Variants in STIM2 observed in about 807,000 individuals in gnomAD.
STIM2 encodes the protein stromal interaction molecule 2.
Under a neutral mutation model 85.8 loss-of-function variants are expected in STIM2, and 31 were observed. That is an observed-to-expected ratio of 0.36 (90% confidence interval 0.27 to 0.49). STIM2 has a LOEUF of 0.49. STIM2 is among the 20% of genes least tolerant of loss of function. The pLI is 0.98. For missense variants in STIM2, 841 were observed against 927.6 expected, an observed-to-expected ratio of 0.91 and a Z score of 1.21; for synonymous variants, 356 against 331.1, an observed-to-expected ratio of 1.08 and a Z score of -0.82.
At chr4:26,902,781 C>G (rs1723971441) in intron 1 of STIM2, among the ~76,000 whole-genome samples, 1 of 152,152 alleles carries the variant, frequency 6.6e-6, no homozygotes, top group Non-Finnish European at 1.5e-5. Flanking sequence ...TCCTCATGTC[C>G]TGAGCCGGAG....
chr4:26,884,594 G>A lies in STIM2; in HGVS notation c.151+23225G>A, dbSNP rs189076153. ...AACAGGAAATTGTGTCGTTGTATAG[G>A]CAGGGTAATGTACAAGCTATTTTAA... On this transcript the variant is annotated intron_variant, in intron 1 of 11. Transcript: ENST00000467087. Among the ~76,000 whole-genome samples the A allele has an allele frequency of 3.8e-3, 577 of 152,320 alleles. 3 individuals are homozygous for A. The highest frequency in any genetic ancestry group is 0.013 in the African/African-American group (560 of 41,560).
chr4:27,013,419 G>C (rs1240207809), intron 10 of STIM2, among the ~76,000 whole-genome samples: 1 of 151,890 alleles, frequency 6.6e-6, no homozygotes, highest in Non-Finnish European at 1.5e-5. Flanking sequence ...TAGAGTTTGG[G>C]ACTATCCATG....
At chr4:26,998,835 C>T (rs1387508491) in intron 4 of STIM2, among the ~76,000 whole-genome samples, 1 of 151,616 alleles carries the variant, frequency 6.6e-6, no homozygotes. Flanking sequence ...TTGCTTGAAC[C>T]CGGGAGGCGG....
chr4:26,915,337 C>T (rs1157941966), intron 1 of STIM2, among the ~76,000 whole-genome samples: 2 of 152,136 alleles, frequency 1.3e-5, no homozygotes, highest in Admixed American at 6.5e-5. Context: ...CAAGGTCAAG[C>T]GATTCTCCTG....
intron 1 of STIM2, among the ~76,000 whole-genome samples, chr4:26,887,712 C>T (rs962558396): frequency 6.6e-6 from 1 of 152,020 alleles, no homozygotes; most frequent in South Asian, 2.1e-4. Flanking sequence ...TTCATTATTA[C>T]AAATTAATAA....
chr4:26,879,831 C>T (rs1175697268), intron 1 of STIM2, among the ~76,000 whole-genome samples: 2 of 152,134 alleles, frequency 1.3e-5, no homozygotes, highest in Non-Finnish European at 2.9e-5. Flanking sequence ...GGGCCCTCAT[C>T]GCCCACATTC....
intron 2 of STIM2, among the ~76,000 whole-genome samples, chr4:26,945,976 A>G (rs1029832946): frequency 4.6e-5 from 7 of 152,208 alleles, no homozygotes; most frequent in African/African-American, 1.7e-4. Flanking sequence ...TCTTATATGT[A>G]AAATTGTTGC....
At chr4:26,881,201 C>G (rs1171575029) in intron 1 of STIM2, among the ~76,000 whole-genome samples, 1 of 152,062 alleles carries the variant, frequency 6.6e-6, no homozygotes, top group African/African-American at 2.4e-5. Context: ...CGCGGTAGCT[C>G]ATGCTGGTAA....
intron 11 of STIM2, chr4:27,019,530 T>C (rs1728846869): frequency 8.0e-7 from 1 of 1,254,606 alleles, no homozygotes. Context: ...CGTTCAGTTC[T>C]CATTTCAATA....
intron 10 of STIM2, among the ~76,000 whole-genome samples, chr4:27,016,881 C>T (rs944766679): frequency 2.0e-5 from 3 of 152,122 alleles, no homozygotes; most frequent in Non-Finnish European, 2.9e-5. Context: ...TAATAGTGTT[C>T]GCTTCAGCAG....
intron 2 of STIM2, among the ~76,000 whole-genome samples, chr4:26,933,733 C>CAAAAAAAAA (rs771503772): frequency 7.3e-4 from 35 of 47,688 alleles, no homozygotes; most frequent in East Asian, 2.5e-3. Flanking sequence ...GACCTGATCT[C>CAAAAAAAAA]AAAAAAAAAA....
chr4:26,865,051 A>T (rs1472737150), intron 1 of STIM2, among the ~76,000 whole-genome samples: 3 of 152,194 alleles, frequency 2.0e-5, no homozygotes, highest in Admixed American at 6.5e-5. Context: ...AAGTGGATTC[A>T]GATAGCCTGA....
intron 2 of STIM2, among the ~76,000 whole-genome samples, chr4:26,953,059 C>G (rs1490743676): frequency 6.6e-6 from 1 of 152,114 alleles, no homozygotes; most frequent in Non-Finnish European, 1.5e-5. Context: ...ACTCACATAT[C>G]AGACCTTGGA....
intron 3 of STIM2, among the ~76,000 whole-genome samples, chr4:26,963,355 T>TA (rs1205150770): frequency 9.9e-5 from 15 of 152,196 alleles, no homozygotes; most frequent in Non-Finnish European, 1.9e-4. Context: ...ACCAGCTCTT[T>TA]AAAGTGTATG....
At chr4:26,907,590 A>G (rs1724178357) in intron 1 of STIM2, among the ~76,000 whole-genome samples, 1 of 152,208 alleles carries the variant, frequency 6.6e-6, no homozygotes, top group African/African-American at 2.4e-5. Context: ...TTAATTATCA[A>G]TAAAGATTTC....
At chr4:26,934,640 G>A (rs180934417) in intron 2 of STIM2, among the ~76,000 whole-genome samples, 67 of 152,266 alleles carry the variant, frequency 4.4e-4, no homozygotes, top group Non-Finnish European at 7.8e-4. Flanking sequence ...AAGGCTAGGC[G>A]CGGTGGCTCA....
chr4:26,918,282 C>T (rs374256267), intron 1 of STIM2, among the ~76,000 whole-genome samples: 2 of 138,582 alleles, frequency 1.4e-5, no homozygotes, highest in African/African-American at 2.7e-5. Context: ...CAAATATTGG[C>T]TTCTCTTCTC....
chr4:26,967,650 C>T (rs1726773689), intron 3 of STIM2, among the ~76,000 whole-genome samples: 1 of 152,118 alleles, frequency 6.6e-6, no homozygotes, highest in African/African-American at 2.4e-5. Context: ...ATTTTGCTTC[C>T]TTCTTTGTCT....
intron 1 of STIM2, chr4:26,874,260 C>CTGCA: frequency 2.4e-6 from 1 of 422,742 alleles, no homozygotes; most frequent in Non-Finnish European, 4.7e-6. Context: ...TGGCCACAGG[C>CTGCA]TGCAGCTCCT....
Sources: gnomAD v4.1 joint callset for allele counts (sites outside exome capture counted in the v4.1 genomes callset) on GRCh38, gnomAD v4.1.1 for gene constraint, MANE v1.5 for transcripts, NCBI Gene and HGNC (gene_info 2026-07-23, HGNC 2026-07-21) for gene names.